SLC5A12: variants seen among roughly 807,000 people sequenced by gnomAD.
The protein encoded by SLC5A12 is solute carrier family 5 member 12, also known as sodium-coupled monocarboxylate transporter 2.
In SLC5A12, 46 loss-of-function variants were observed where a neutral mutation model predicts 72.7. That is an observed-to-expected ratio of 0.63 (90% CI 0.50 to 0.81). The LOEUF (loss-of-function observed/expected upper bound fraction) is 0.81, where lower values mean the gene tolerates loss of function less well. Among genes scored for constraint, SLC5A12 ranks in the 30% least tolerant of loss-of-function variants. SLC5A12 has a pLI of 0.00. For synonymous variants in SLC5A12, 275 were observed against 264.4 expected (o/e 1.04, Z -0.39); for missense variants, 683 against 740.7 (o/e 0.92, Z 0.90).
intron 4 of SLC5A12, among the ~76,000 whole-genome samples, chr11:26,706,377 ATCTG>A (rs1565199537): frequency 2.6e-5 from 4 of 152,200 alleles, no homozygotes; most frequent in East Asian, 3.9e-4. Context: ...AAGAAGATTA[ATCTG>A]ACAGAGGTAT....
intron 9 of SLC5A12, among the ~76,000 whole-genome samples, chr11:26,688,270 A>G (rs1239978170): frequency 6.6e-6 from 1 of 152,196 alleles, no homozygotes; most frequent in Non-Finnish European, 1.5e-5. Context: ...AATGCTATGG[A>G]TTTTCCCAAT....
intron 11 of SLC5A12, among the ~76,000 whole-genome samples, chr11:26,683,200 T>C (rs1854449878): frequency 6.6e-6 from 1 of 152,220 alleles, no homozygotes; most frequent in Non-Finnish European, 1.5e-5. Flanking sequence ...TAATTATTCA[T>C]CTTGATTTAA....
At chr11:26,695,239 G>A (rs1390803395) in intron 8 of SLC5A12, among the ~76,000 whole-genome samples, 1 of 151,958 alleles carries the variant, frequency 6.6e-6, no homozygotes, top group Non-Finnish European at 1.5e-5. Flanking sequence ...TCAAAAGAAT[G>A]TAAAAGATAA....
At chr11:26,708,963 T>C (rs1855155837) in intron 4 of SLC5A12, 1 of 174,706 alleles carries the variant, frequency 5.7e-6, no homozygotes, top group South Asian at 1.7e-4. Flanking sequence ...GTGTAAAGTA[T>C]AAGTGCCATC....
intron 1 of SLC5A12, among the ~76,000 whole-genome samples, chr11:26,720,093 T>C (rs183641292): frequency 6.6e-6 from 1 of 152,276 alleles, no homozygotes; most frequent in Non-Finnish European, 1.5e-5. Context: ...TGTATTATGA[T>C]TTTCTTACAC....
chr11:26,705,827 AC>A (rs1422763760), intron 4 of SLC5A12, among the ~76,000 whole-genome samples: 25 of 151,858 alleles, frequency 1.6e-4, no homozygotes, highest in Admixed American at 1.6e-3. Flanking sequence ...AAGAGAACAA[AC>A]CACTTTATCA....
chr11:26,682,959 G>A (rs1236347434), intron 11 of SLC5A12, among the ~76,000 whole-genome samples: 1 of 152,058 alleles, frequency 6.6e-6, no homozygotes, highest in Non-Finnish European at 1.5e-5. Context: ...TAAGGGTCAG[G>A]TAGCCACAGA....
intron 3 of SLC5A12, among the ~76,000 whole-genome samples, chr11:26,709,752 C>A (rs1419446559): frequency 6.6e-6 from 1 of 151,982 alleles, no homozygotes; most frequent in Admixed American, 6.6e-5. Flanking sequence ...AAATAATGGC[C>A]TTAGAGGTTC....
At chr11:26,699,130 A>T (rs1161920106) in intron 6 of SLC5A12, among the ~76,000 whole-genome samples, 5 of 152,188 alleles carry the variant, frequency 3.3e-5, no homozygotes, top group Non-Finnish European at 7.4e-5. Flanking sequence ...GCCTAATTCC[A>T]GTCTGGGTGT....
intron 6 of SLC5A12, among the ~76,000 whole-genome samples, chr11:26,701,924 A>G (rs114610740): frequency 4.4e-4 from 67 of 152,292 alleles, no homozygotes; most frequent in African/African-American, 1.6e-3. Flanking sequence ...CTTGTGGGGA[A>G]AAATGATTAA....
intron 4 of SLC5A12, among the ~76,000 whole-genome samples, chr11:26,706,645 T>C (rs1201456106): frequency 6.6e-6 from 1 of 151,912 alleles, no homozygotes; most frequent in East Asian, 1.9e-4. Context: ...AATTTTGCCA[T>C]GCATTTTAAA....
chr11:26,681,013 C>G, intron 12 of SLC5A12, 42 bp downstream of exon 12: 1 of 1,489,994 alleles, frequency 6.7e-7, no homozygotes, highest in Non-Finnish European at 9.0e-7. Flanking sequence ...TACCAGGTGA[C>G]CCACTCTCTG....
chr11:26,687,453 T>G (rs1479032938), intron 9 of SLC5A12, among the ~76,000 whole-genome samples: 3 of 152,170 alleles, frequency 2.0e-5, no homozygotes, highest in African/African-American at 7.2e-5. Context: ...ACATGACTAT[T>G]AATTCAATCT....
chr11:26,673,364 G>A (rs1854188884), intron 14 of SLC5A12, 38 bp downstream of exon 14: 3 of 1,494,114 alleles, frequency 2.0e-6, no homozygotes, highest in African/African-American at 1.4e-5. Flanking sequence ...ATCCCTTTGA[G>A]TCCATACACA....
At chr11:26,677,507 C>T (rs1854292281) in intron 13 of SLC5A12, among the ~76,000 whole-genome samples, 1 of 152,098 alleles carries the variant, frequency 6.6e-6, no homozygotes, top group South Asian at 2.1e-4. Flanking sequence ...ACTGAAATGT[C>T]TAGGTATATC....
At chr11:26,706,325 G>C (rs112884367) in intron 4 of SLC5A12, among the ~76,000 whole-genome samples, 2,296 of 152,090 alleles carry the variant, frequency 0.015, 24 homozygotes, top group Non-Finnish European at 0.022. Flanking sequence ...GAAGTAACAA[G>C]AGAATTAGAT....
chr11:26,677,320 A>G (rs1164327956), intron 13 of SLC5A12, among the ~76,000 whole-genome samples: 11 of 152,238 alleles, frequency 7.2e-5, no homozygotes. Flanking sequence ...AGAATTTTCA[A>G]TCAAATTTAA....
intron 3 of SLC5A12, among the ~76,000 whole-genome samples, chr11:26,710,879 T>C (rs934652512): frequency 6.6e-6 from 1 of 152,100 alleles, no homozygotes; most frequent in African/African-American, 2.4e-5. Context: ...TTTTTAGGAT[T>C]CTATTATTTT....
chr11:26,684,480 G>GA (rs1038345039), intron 10 of SLC5A12, among the ~76,000 whole-genome samples: 7 of 152,106 alleles, frequency 4.6e-5, no homozygotes, highest in African/African-American at 1.7e-4. Flanking sequence ...TTCCCTGTGG[G>GA]AAAAATATTT....
Sources: allele counts gnomAD v4.1 joint callset (sites outside exome capture counted in the v4.1 genomes callset), GRCh38; gene constraint gnomAD v4.1.1; transcripts MANE v1.5; gene names NCBI Gene and HGNC (gene_info 2026-07-23, HGNC 2026-07-21).